Variants in LCOR observed in about 807,000 individuals in gnomAD.
The protein encoded by LCOR is ligand-dependent corepressor.
Under a neutral mutation model 64.4 loss-of-function variants are expected in LCOR, and 14 were observed. The ratio of observed to expected loss-of-function variants is 0.22; its 90% confidence interval spans 0.14 to 0.34. The LOEUF (loss-of-function observed/expected upper bound fraction) is 0.34, where lower values mean the gene tolerates loss of function less well. Ranked by LOEUF, LCOR falls within the 10% of genes least tolerant of loss-of-function variation. LCOR has a pLI of 1.00. For missense variants in LCOR, 1,686 were observed against 1,765.3 expected (o/e 0.96, Z 0.80); for synonymous variants, 643 against 642.5 (o/e 1.00, Z -0.01).
At chr10:96,874,454 T>C (rs1318606655) in intron 2 of LCOR, among the ~76,000 whole-genome samples, 1 of 152,188 alleles carries the variant, frequency 6.6e-6, no homozygotes, top group Non-Finnish European at 1.5e-5. Context: ...TTTTACCCAA[T>C]TTATCTCCAT....
intron 2 of LCOR, among the ~76,000 whole-genome samples, chr10:96,845,671 G>C (rs867036303): frequency 2.0e-5 from 3 of 150,824 alleles, no homozygotes; most frequent in African/African-American, 7.3e-5. Context: ...GTGTCACCGT[G>C]TTAGCCAGGA....
intron 7 of LCOR, chr10:96,957,057 T>C (rs1489922174): frequency 3.0e-6 from 3 of 985,244 alleles, no homozygotes; most frequent in African/African-American, 1.7e-5. Context: ...TAACCCGATA[T>C]GATTTAGGAT....
In LCOR at chr10:96,921,833, A is replaced by G. The variant is rs1312460370; in HGVS notation, c.-184+14086A>G. On this transcript the variant is annotated intron_variant, in intron 4 of 7. Transcript: ENST00000421806. ...GTTGCTGAGAAGAATTGTTTCTCCC[A>G]TTGAATCGTGTTGGTACCCTTGTAG... is the stretch of plus-strand genomic sequence containing the variant. Among the ~76,000 whole-genome samples the G allele has an allele frequency of 3.9e-5, 6 of 152,200 alleles. No homozygotes were observed. In the East Asian group the frequency reaches 5.8e-4, roughly 15 times the overall value.
At chr10:96,925,858 TC>T (rs1765404483) in intron 4 of LCOR, among the ~76,000 whole-genome samples, 2 of 152,356 alleles carry the variant, frequency 1.3e-5, no homozygotes, top group South Asian at 2.1e-4. Flanking sequence ...CCCCTTTTTT[TC>T]TTCTGTATTT....
At chr10:96,937,984 C>T (rs1847381123) in intron 4 of LCOR, among the ~76,000 whole-genome samples, 1 of 152,186 alleles carries the variant, frequency 6.6e-6, no homozygotes, top group African/African-American at 2.4e-5. Flanking sequence ...CCTGGTCTTG[C>T]CCTGTCGTCC....
At chr10:96,924,359 C>A (rs925572109) in intron 4 of LCOR, among the ~76,000 whole-genome samples, 2 of 150,476 alleles carry the variant, frequency 1.3e-5, no homozygotes, top group South Asian at 2.1e-4. Flanking sequence ...TGTGCCTCTA[C>A]GCCCAGCCAA....
intron 2 of LCOR, among the ~76,000 whole-genome samples, chr10:96,894,763 A>G (rs529377676): frequency 6.6e-6 from 1 of 152,194 alleles, no homozygotes; most frequent in African/African-American, 2.4e-5. Context: ...TATAAATTAG[A>G]TATATTTAGA....
At chr10:96,848,061 T>C (rs1389969272) in intron 2 of LCOR, among the ~76,000 whole-genome samples, 2 of 152,250 alleles carry the variant, frequency 1.3e-5, no homozygotes, top group African/African-American at 4.8e-5. Flanking sequence ...ATGAAGTTGT[T>C]TAGGTAAGAA....
At position 96,989,390 on chromosome 10, in the gene LCOR, T is replaced by G. The variant is rs1167834572; in HGVS notation, c.*4256T>G. ...GTTGAGACTACTTTAGTTGGACTTT[T>G]AGTCCTCTGAATGTCACATTTAGAT... On this transcript the variant is annotated 3_prime_UTR_variant, in exon 8 of 8. Coordinates refer to ENST00000421806, the MANE Select transcript of LCOR (RefSeq NM_001346516.2). 1 of 152,204 alleles carries G rather than the reference T, an allele frequency of 6.6e-6. No individual in the cohort carries two copies. Among genetic ancestry groups the G allele is most frequent in the Non-Finnish European group, 1.5e-5 (1 of 68,036 alleles). 9.4% of individuals were successfully genotyped at this position (152,204 alleles called of 1,614,324 possible). A position where few individuals can be genotyped will look rare whatever the true frequency, so the allele number is the denominator to read the frequency against.
chr10:96,912,069 T>C (rs1846847211), intron 4 of LCOR, among the ~76,000 whole-genome samples: 2 of 151,968 alleles, frequency 1.3e-5, no homozygotes, highest in African/African-American at 2.4e-5. Context: ...GTAGCTGTTA[T>C]TACAGACACA....
intron 5 of LCOR, among the ~76,000 whole-genome samples, chr10:96,944,801 T>A (rs375901713): frequency 2.6e-5 from 4 of 152,140 alleles, no homozygotes; most frequent in Non-Finnish European, 1.5e-5. Context: ...CCTCTTGCAT[T>A]TTTAAAATTT....
chr10:96,961,284 AT>A (rs1847875639), intron 7 of LCOR: 1 of 152,128 alleles, frequency 6.6e-6, no homozygotes, highest in Non-Finnish European at 1.5e-5. Flanking sequence ...TTTCCAGTTC[AT>A]TTAGAGCTGT....
intron 2 of LCOR, among the ~76,000 whole-genome samples, chr10:96,898,375 TAGC>T (rs972148121): frequency 3.9e-5 from 6 of 152,176 alleles, no homozygotes; most frequent in African/African-American, 1.4e-4. Context: ...CAGAATATGG[TAGC>T]AGGAGAGACT....
chr10:96,834,483 G>A (rs961753941), intron 2 of LCOR, among the ~76,000 whole-genome samples: 4 of 152,076 alleles, frequency 2.6e-5, no homozygotes, highest in African/African-American at 7.2e-5. Flanking sequence ...AAAATGTTAC[G>A]TCGGTTTAAG....
intron 2 of LCOR, among the ~76,000 whole-genome samples, chr10:96,881,455 G>GTTT: frequency 6.8e-6 from 1 of 146,412 alleles, no homozygotes. Flanking sequence ...TTTTGTTGTT[G>GTTT]TTTTTTGTTT....
At chr10:96,907,091 G>A (rs540146562) in intron 2 of LCOR, among the ~76,000 whole-genome samples, 174 bp from the exon 3 acceptor site, 4 of 152,212 alleles carry the variant, frequency 2.6e-5, no homozygotes, top group East Asian at 3.9e-4. Flanking sequence ...TGACAGAAAT[G>A]CAAATGCTCC....
chr10:96,837,152 G>A (rs756526281), intron 2 of LCOR, among the ~76,000 whole-genome samples: 1 of 151,880 alleles, frequency 6.6e-6, no homozygotes, highest in Non-Finnish European at 1.5e-5. Context: ...CACCACGCTC[G>A]GCTAATTTTT....
chr10:96,919,079 G>A (rs187886130), intron 4 of LCOR, among the ~76,000 whole-genome samples: 1 of 152,226 alleles, frequency 6.6e-6, no homozygotes, highest in African/African-American at 2.4e-5. Context: ...AAAACCATGA[G>A]GCAGTTGAAA....
chr10:96,945,924 C>CT (rs34834224), intron 5 of LCOR, among the ~76,000 whole-genome samples: 210 of 138,714 alleles, frequency 1.5e-3, no homozygotes, highest in East Asian at 1.9e-3. Flanking sequence ...TAAAGTTTTT[C>CT]TTTTTTTTTT....
Sources: gnomAD v4.1 joint callset for allele counts (sites outside exome capture counted in the v4.1 genomes callset) on GRCh38, gnomAD v4.1.1 for gene constraint, MANE v1.5 for transcripts, NCBI Gene and HGNC (gene_info 2026-07-23, HGNC 2026-07-21) for gene names.